The following PCDH9 variants were observed in gnomAD, a reference collection of about 807,000 sequenced individuals.
The protein encoded by PCDH9 is protocadherin-9.
Under a neutral mutation model 70.6 loss-of-function variants are expected in PCDH9, and 24 were observed. That is an observed-to-expected ratio of 0.34 (90% CI 0.25 to 0.48). The LOEUF (loss-of-function observed/expected upper bound fraction) is 0.48. PCDH9 is among the 20% of genes least tolerant of loss of function. PCDH9 has a pLI of 0.99. For missense variants in PCDH9, 1,281 were observed against 1,503.6 expected (o/e 0.85, Z 2.45); for synonymous variants, 562 against 558.5 (o/e 1.01, Z -0.09).
chr13:66,452,935 TATCCATCCATCC>T (rs1202353015), intron 4 of PCDH9, among the ~76,000 whole-genome samples: 1 of 152,160 alleles, frequency 6.6e-6, no homozygotes, highest in African/African-American at 2.4e-5. Context: ...CTCATCCATC[TATCCATCCATCC>T]ATCCATCCAC....
intron 4 of PCDH9, among the ~76,000 whole-genome samples, chr13:66,437,004 T>A (rs1018555544): frequency 6.6e-6 from 1 of 151,448 alleles, no homozygotes; most frequent in Admixed American, 6.6e-5. Context: ...TCAAAGGAAC[T>A]ATGATCAAGC....
intron 2 of PCDH9, among the ~76,000 whole-genome samples, chr13:67,198,911 AT>A (rs1396539673): frequency 6.6e-6 from 1 of 151,790 alleles, no homozygotes; most frequent in Non-Finnish European, 1.5e-5. Flanking sequence ...TTAAAGTATA[AT>A]TTTTTAAAAA....
chr13:66,702,417 AG>A (rs1191934807), intron 3 of PCDH9, among the ~76,000 whole-genome samples: 1 of 152,160 alleles, frequency 6.6e-6, no homozygotes, highest in Non-Finnish European at 1.5e-5. Flanking sequence ...GGACTGAAGG[AG>A]GGGGGAAATG....
chr13:66,953,406 G>T (rs976592982), intron 2 of PCDH9, among the ~76,000 whole-genome samples: 1 of 152,162 alleles, frequency 6.6e-6, no homozygotes, highest in African/African-American at 2.4e-5. Context: ...TATACTTGCT[G>T]AATAATTGAT....
chr13:66,793,263 A>C (rs1036447129), intron 3 of PCDH9, among the ~76,000 whole-genome samples: 5 of 152,154 alleles, frequency 3.3e-5, no homozygotes, highest in African/African-American at 1.2e-4. Context: ...CATGTTAATT[A>C]ACTTTGATTG....
At position 66,714,839 on chromosome 13, in the gene PCDH9, A is replaced by T. The variant is rs536958933; in HGVS notation, c.3139-83428T>A. On this transcript the variant is annotated intron_variant, in intron 3 of 4. Coordinates refer to ENST00000377865, the MANE Select transcript of PCDH9 (RefSeq NM_203487.3). ...GCATTAAGAACCATGAAAGCAGCACATATTCAACAATTGTAAATCATTTTA... is the reference window on the plus strand; with the variant it reads ...GCATTAAGAACCATGAAAGCAGCACTTATTCAACAATTGTAAATCATTTTA... Among the ~76,000 whole-genome samples the T allele has an allele frequency of 2.0e-5, 3 of 152,292 alleles. No homozygotes were observed. The East Asian group carries it at 5.8e-4, about 29-fold the overall frequency.
At chr13:67,169,274 A>G (rs1032285913) in intron 2 of PCDH9, among the ~76,000 whole-genome samples, 1 of 152,222 alleles carries the variant, frequency 6.6e-6, no homozygotes, top group Non-Finnish European at 1.5e-5. Flanking sequence ...AATCCAAGTT[A>G]TAACATCCTA....
chr13:66,472,090 T>C (rs1958629400), intron 4 of PCDH9, among the ~76,000 whole-genome samples: 2 of 150,954 alleles, frequency 1.3e-5, no homozygotes, highest in Admixed American at 6.6e-5. Context: ...TGGGCACCTA[T>C]AATCCCAGCT....
chr13:66,847,658 G>C (rs922710265), intron 3 of PCDH9, among the ~76,000 whole-genome samples: 5 of 152,062 alleles, frequency 3.3e-5, no homozygotes, highest in African/African-American at 1.2e-4. Context: ...CGACATATCT[G>C]AAGTGCCAGC....
intron 3 of PCDH9, among the ~76,000 whole-genome samples, chr13:66,824,655 T>G (rs1457972696): frequency 8.3e-4 from 14 of 16,956 alleles, no homozygotes; most frequent in African/African-American, 2.2e-3. Flanking sequence ...AACTCTGATA[T>G]ATATATATAT....
At chr13:66,727,803 C>T (rs1440789076) in intron 3 of PCDH9, among the ~76,000 whole-genome samples, 3 of 151,962 alleles carry the variant, frequency 2.0e-5, no homozygotes, top group Non-Finnish European at 4.4e-5. Context: ...GCCTATGTTT[C>T]ATTTTTTCCA....
intron 2 of PCDH9, among the ~76,000 whole-genome samples, chr13:67,183,828 T>A (rs2088679464): frequency 6.6e-6 from 1 of 152,174 alleles, no homozygotes; most frequent in African/African-American, 2.4e-5. Context: ...AATTTACATG[T>A]GTTACCTAGA....
intron 2 of PCDH9, among the ~76,000 whole-genome samples, chr13:66,962,780 T>C (rs1317781642): frequency 6.6e-6 from 1 of 152,182 alleles, no homozygotes; most frequent in African/African-American, 2.4e-5. Flanking sequence ...TCCAACTTTT[T>C]TGGCACCAAG....
At chr13:67,046,822 A>C (rs1215903549) in intron 2 of PCDH9, among the ~76,000 whole-genome samples, 1 of 152,096 alleles carries the variant, frequency 6.6e-6, no homozygotes, top group Non-Finnish European at 1.5e-5. Flanking sequence ...ATCTGACAGA[A>C]TAAAAACACA....
intron 3 of PCDH9, among the ~76,000 whole-genome samples, chr13:66,767,431 A>G (rs913187277): frequency 1.3e-5 from 2 of 152,068 alleles, no homozygotes; most frequent in Non-Finnish European, 2.9e-5. Context: ...ATGGTGCCTG[A>G]TTTAATGTTT....
In PCDH9 at chr13:67,226,928, C is replaced by T. The variant is rs1224060166; in HGVS notation, c.1513G>A (p.Val505Ile). 1.2e-6 allele frequency: 2 copies of T among 1,614,082 alleles called. No individual in the cohort carries two copies. The highest frequency in any genetic ancestry group is 3.3e-5 in the Admixed American group (2 of 60,002). ...DEDSGKNADI[V>I]YQLGPNASFF... The stretch of plus-strand genomic sequence containing the variant: ...GAGGCATTCGGTCCAAGCTGATAAA[C>T]AATGTCTGCATTTTTCCCACTGTCT... Residue 505 changes from valine to isoleucine, a missense_variant, in exon 2 of 5, where the codon GTT becomes ATT. By Grantham distance (29) the Val-to-Ile change is conservative (BLOSUM62 3). Around this residue, in one of 4 missense-constraint regions of PCDH9, gnomAD observed 798 missense variants for 1,003.1 expected, o/e 0.80. Coordinates refer to ENST00000377865, the MANE Select transcript of PCDH9 (RefSeq NM_203487.3). This position sits in a 1 kb window ranked among gnomAD's most constrained non-coding sequence, Gnocchi z 5.0.
intron 4 of PCDH9, among the ~76,000 whole-genome samples, chr13:66,379,665 C>T (rs1593884187): frequency 1.3e-5 from 2 of 152,176 alleles, no homozygotes; most frequent in Non-Finnish European, 2.9e-5. Context: ...TGCTGTATTA[C>T]CCTGGCATTC....
chr13:66,538,381 A>G (rs1960796027), intron 4 of PCDH9, among the ~76,000 whole-genome samples: 1 of 152,182 alleles, frequency 6.6e-6, no homozygotes, highest in Non-Finnish European at 1.5e-5. Flanking sequence ...TTATTTCACA[A>G]GAATGGTGCC....
At chr13:66,536,716 A>G (rs1463421220) in intron 4 of PCDH9, among the ~76,000 whole-genome samples, 1 of 149,016 alleles carries the variant, frequency 6.7e-6, no homozygotes, top group African/African-American at 2.4e-5. Context: ...TTGAAAATGT[A>G]TATGCTAAAT....
Sources: gnomAD v4.1 joint callset for allele counts (sites outside exome capture counted in the v4.1 genomes callset) on GRCh38, gnomAD v4.1.1 for gene constraint, gnomAD v4.1.1 regional missense constraint, Gnocchi (gnomAD v3.1) non-coding constraint, MANE v1.5 for transcripts, NCBI Gene and HGNC (gene_info 2026-07-23, HGNC 2026-07-21) for gene names.